Variants in PDE3B observed in about 807,000 individuals in gnomAD.
PDE3B encodes the protein cGMP-inhibited 3',5'-cyclic phosphodiesterase 3B.
A neutral mutation model predicts 116.8 loss-of-function variants in PDE3B; 66 were observed. That is an observed-to-expected ratio of 0.56 (90% CI 0.46 to 0.69). PDE3B has a LOEUF of 0.69. Among genes scored for constraint, PDE3B ranks in the 30% least tolerant of loss-of-function variants. The probability of loss-of-function intolerance (pLI) is 0.00; values close to 1 mark genes in which losing one functional copy is unlikely to be tolerated. For synonymous variants in PDE3B, 595 were observed against 533.6 expected (o/e 1.12, Z -1.59); for missense variants, 1,384 against 1,368.1 (o/e 1.01, Z -0.18).
At chr11:14,880,837 AT>A in the PDE3B span, 12 of 1,443,356 alleles carry the variant, frequency 8.3e-6, no homozygotes, top group Admixed American at 7.0e-5. Context: ...AGGGAACAAA[AT>A]TTTTTTAATG....
At chr11:14,674,093 C>T (rs1854458296) in intron 1 of PDE3B, 1 of 1,531,470 alleles carries the variant, frequency 6.5e-7, no homozygotes, top group Non-Finnish European at 9.0e-7. Context: ...ACTTTAACTT[C>T]AACTCTGTTC....
rs117194168 is a variant in PDE3B, at chr11:14,766,498, T to C, written c.979-5439T>C. Among the ~76,000 whole-genome samples the C allele has an allele frequency of 5.0e-3, 755 of 151,560 alleles. 7 individuals carry two copies. Among genetic ancestry groups the C allele is most frequent in the Non-Finnish European group, 9.3e-3 (631 of 67,736 alleles). On this transcript the variant is annotated intron_variant, in intron 1 of 15. Coordinates refer to ENST00000282096, the MANE Select transcript of PDE3B (RefSeq NM_000922.4). The stretch of plus-strand genomic sequence containing the variant: ...TGAAAAAAGCTCTTTTTGCTCTTTA[T>C]ATTTTATATTTACTTTTAAATATTT...
At chr11:14,879,697 A>G in the PDE3B span, among the ~76,000 whole-genome samples, 2 of 152,108 alleles carry the variant, frequency 1.3e-5, no homozygotes, top group Non-Finnish European at 2.9e-5. Flanking sequence ...ATTTTTTATT[A>G]TCTGGGCGTT....
intron 5 of PDE3B, among the ~76,000 whole-genome samples, chr11:14,814,444 C>G (rs947655948): frequency 2.0e-5 from 3 of 151,990 alleles, no homozygotes; most frequent in Non-Finnish European, 4.4e-5. Flanking sequence ...TTATATTACT[C>G]TATACTATCA....
chr11:14,823,884 G>A (rs1000686034), intron 7 of PDE3B, among the ~76,000 whole-genome samples: 2 of 152,126 alleles, frequency 1.3e-5, no homozygotes, highest in African/African-American at 4.8e-5. Flanking sequence ...TCACCTCCAG[G>A]CTATCAAGCC....
intron 1 of PDE3B, among the ~76,000 whole-genome samples, chr11:14,747,115 T>C (rs1199926596): frequency 6.6e-6 from 1 of 152,104 alleles, no homozygotes; most frequent in Non-Finnish European, 1.5e-5. Context: ...CCATGCTCTT[T>C]TAAACAACAC....
At chr11:14,745,540 T>A (rs965941094) in intron 1 of PDE3B, among the ~76,000 whole-genome samples, 2 of 152,240 alleles carry the variant, frequency 1.3e-5, no homozygotes, top group Non-Finnish European at 2.9e-5. Flanking sequence ...AATGTACTTT[T>A]AGAAGTATTG....
At chr11:14,802,398 G>A (rs1050658631) in intron 4 of PDE3B, among the ~76,000 whole-genome samples, 12 of 152,134 alleles carry the variant, frequency 7.9e-5, no homozygotes, top group Non-Finnish European at 1.6e-4. Context: ...CTTGGATAGG[G>A]GAGAAAATTC....
rs749091716 is a variant in PDE3B, at chr11:14,644,269, C to T, written c.194C>T (p.Ser65Phe). ...GTGGAGCTGCGGCCGCCGCCGGCCT[C>T]TCCCCAGCAGCCGCGGCGCTGCTCC... Reference protein sequence around the residue: ...CNVELRPPPASPQQPRRCSPF... With the variant: ...CNVELRPPPAFPQQPRRCSPF... The change falls in exon 1 of 16, where the codon TCT becomes TTT. Residue 65 changes from serine (S) to phenylalanine (F), a missense_variant. This residue lies in a region of PDE3B where 956 missense variants were observed against 806.8 expected (regional missense o/e 1.18). Coordinates refer to ENST00000282096, the MANE Select transcript of PDE3B (RefSeq NM_000922.4). 5 of 1,568,546 alleles carry T rather than the reference C, an allele frequency of 3.2e-6. No individual in the cohort carries two copies. The South Asian group carries it at 4.6e-5, about 14-fold the overall frequency.
At chr11:14,729,673 T>C (rs1856403053) in intron 1 of PDE3B, among the ~76,000 whole-genome samples, 1 of 152,240 alleles carries the variant, frequency 6.6e-6, no homozygotes, top group Non-Finnish European at 1.5e-5. Flanking sequence ...TTGATTAATC[T>C]AACTTTCAGT....
At chr11:14,820,835 G>A (rs889230608) in intron 7 of PDE3B, among the ~76,000 whole-genome samples, 1 of 152,144 alleles carries the variant, frequency 6.6e-6, no homozygotes, top group South Asian at 2.1e-4. Flanking sequence ...GATATCAGAC[G>A]TCCAGCTTCC....
chr11:14,806,858 C>CAAAAAAAAAAAAAAAA (rs953411145), intron 5 of PDE3B, among the ~76,000 whole-genome samples: 13 of 45,884 alleles, frequency 2.8e-4, no homozygotes, highest in Non-Finnish European at 3.6e-4. Context: ...GACTCCGTCT[C>CAAAAAAAAAAAAAAAA]AAAAAAAAAA....
chr11:14,785,619 T>C (rs1169415132), intron 2 of PDE3B, among the ~76,000 whole-genome samples: 1 of 152,100 alleles, frequency 6.6e-6, no homozygotes, highest in Non-Finnish European at 1.5e-5. Context: ...TTTATTTCTA[T>C]GGGTAATCGA....
intron 1 of PDE3B, chr11:14,674,439 T>C (rs1854470448): frequency 1.6e-6 from 1 of 624,446 alleles, no homozygotes. Flanking sequence ...AGTATTTCAC[T>C]TGTTTGTCCT....
At chr11:14,703,213 A>G (rs550874013) in intron 1 of PDE3B, among the ~76,000 whole-genome samples, 2 of 151,970 alleles carry the variant, frequency 1.3e-5, no homozygotes, top group Non-Finnish European at 2.9e-5. Flanking sequence ...GGAGGATTCC[A>G]TGGAGTAAAT....
intron 1 of PDE3B, among the ~76,000 whole-genome samples, chr11:14,688,304 C>G (rs1391917191): frequency 6.6e-6 from 1 of 152,128 alleles, no homozygotes; most frequent in Non-Finnish European, 1.5e-5. Context: ...ATGGAATCTT[C>G]AGAACATCAG....
chr11:14,884,459 A>C, the PDE3B span, among the ~76,000 whole-genome samples: 1 of 147,394 alleles, frequency 6.8e-6, no homozygotes, highest in East Asian at 2.0e-4. Flanking sequence ...GCATATTCTC[A>C]CTCATAGGTG....
intron 1 of PDE3B, among the ~76,000 whole-genome samples, chr11:14,655,605 A>G (rs1013739612): frequency 1.1e-4 from 17 of 152,164 alleles, no homozygotes; most frequent in African/African-American, 4.1e-4. Flanking sequence ...AGACTAGCTC[A>G]CCATGAGACA....
chr11:14,879,575 T>A, the PDE3B span: 1 of 657,690 alleles, frequency 1.5e-6, no homozygotes, highest in Non-Finnish European at 2.6e-6. Context: ...ATTCAGATTT[T>A]TTATTATCTG....
Sources: allele counts gnomAD v4.1 joint callset (sites outside exome capture counted in the v4.1 genomes callset), GRCh38; gene constraint gnomAD v4.1.1; regional missense constraint gnomAD v4.1.1; transcripts MANE v1.5; gene names NCBI Gene and HGNC (gene_info 2026-07-23, HGNC 2026-07-21).